Variants in RBPJ observed in about 807,000 individuals in gnomAD.
The protein encoded by RBPJ is recombining binding protein suppressor of hairless.
RBPJ carries 9 observed loss-of-function variants against 67.8 expected under a neutral mutation model. The ratio of observed to expected loss-of-function variants is 0.13; its 90% confidence interval spans 0.08 to 0.23. The LOEUF (loss-of-function observed/expected upper bound fraction) is 0.23. RBPJ is among the 10% of genes least tolerant of loss of function. RBPJ has a pLI of 1.00. For missense variants in RBPJ, 305 were observed against 595.6 expected, an observed-to-expected ratio of 0.51 and a Z score of 5.08; for synonymous variants, 198 against 203.3, an observed-to-expected ratio of 0.97 and a Z score of 0.22.
At chr4:26,191,668 G>A (rs781302994) in intron 1 of RBPJ, among the ~76,000 whole-genome samples, 43 of 152,128 alleles carry the variant, frequency 2.8e-4, no homozygotes, top group Non-Finnish European at 4.9e-4. Flanking sequence ...CAGCAATGAC[G>A]GGAGACTACA....
In RBPJ at chr4:26,277,274, C is replaced by CAAAAAA. The variant is rs754017128; in HGVS notation, c.-166-85162_-166-85157dup. Among the ~76,000 whole-genome samples the CAAAAAA allele has an allele frequency of 2.4e-3, 270 of 113,428 alleles. 4 individuals carry two copies. The highest frequency in any genetic ancestry group is 9.9e-3 in the Middle Eastern group (2 of 202). 74.4% of individuals were successfully genotyped at this position (113,428 alleles called of 152,430 possible). ...GCGACAGAGCAAGACCCTGTTTGTT[C>CAAAAAA]AAAAAAAAAAAAAAAGTCAAAAGTC... On this transcript the variant is annotated intron_variant, in intron 1 of 4. Coordinates refer to the RBPJ transcript ENST00000512351.
the RBPJ span, among the ~76,000 whole-genome samples, chr4:26,152,115 C>A: frequency 6.6e-6 from 1 of 152,170 alleles, no homozygotes; most frequent in Non-Finnish European, 1.5e-5. Context: ...AAATAGCTGG[C>A]AAATTATACA....
intron 1 of RBPJ, among the ~76,000 whole-genome samples, chr4:26,197,878 T>C (rs141029769): frequency 8.6e-4 from 131 of 152,238 alleles, no homozygotes; most frequent in African/African-American, 2.7e-3. Context: ...TTAACATTTA[T>C]TTATTAAGTG....
At chr4:26,114,495 A>ATG in the RBPJ span, among the ~76,000 whole-genome samples, 11 of 135,508 alleles carry the variant, frequency 8.1e-5, no homozygotes, top group African/African-American at 3.2e-4. Flanking sequence ...ATATATATAT[A>ATG]TATGTATGTG....
chr4:26,429,484 A>G (rs1736002899), intron 8 of RBPJ, among the ~76,000 whole-genome samples: 1 of 152,186 alleles, frequency 6.6e-6, no homozygotes. Flanking sequence ...ATTCCCTCCC[A>G]TGGAACATGC....
chr4:26,187,570 A>G (rs902036698), intron 1 of RBPJ, among the ~76,000 whole-genome samples: 85 of 152,368 alleles, frequency 5.6e-4, no homozygotes, highest in African/African-American at 1.9e-3. Flanking sequence ...TAATTTTAAT[A>G]CATCTCAATT....
intron 3 of RBPJ, among the ~76,000 whole-genome samples, chr4:26,409,348 C>A (rs1054004784): frequency 1.3e-5 from 2 of 152,032 alleles, no homozygotes; most frequent in Non-Finnish European, 2.9e-5. Flanking sequence ...GGGCGGATCA[C>A]CTGAGGTCCG....
intron 1 of RBPJ, among the ~76,000 whole-genome samples, chr4:26,277,831 T>G (rs1721134246): frequency 6.6e-6 from 1 of 152,236 alleles, no homozygotes; most frequent in African/African-American, 2.4e-5. Flanking sequence ...ATTAGTGTTT[T>G]TAAATGTATT....
chr4:26,329,027 T>C (rs1432908814), intron 1 of RBPJ, among the ~76,000 whole-genome samples: 2 of 152,168 alleles, frequency 1.3e-5, no homozygotes, highest in Non-Finnish European at 2.9e-5. Flanking sequence ...GGAGTTTTGC[T>C]CTGTTGCCCA....
intron 1 of RBPJ, chr4:26,322,295 C>T (rs1428970023): frequency 2.0e-5 from 3 of 152,084 alleles, no homozygotes; most frequent in Admixed American, 6.6e-5. Flanking sequence ...ATTCATTTGG[C>T]GTGTGAGTAG....
At chr4:26,377,783 G>C (rs926814036) in intron 1 of RBPJ, among the ~76,000 whole-genome samples, 33 of 152,150 alleles carry the variant, frequency 2.2e-4, no homozygotes, top group South Asian at 6.2e-4. Context: ...TTGTATTCTA[G>C]AGTTGGTGCT....
At chr4:26,386,701 AT>A (rs1730954056) in intron 2 of RBPJ, among the ~76,000 whole-genome samples, 1 of 152,216 alleles carries the variant, frequency 6.6e-6, no homozygotes, top group Non-Finnish European at 1.5e-5. Context: ...GCCCATCACA[AT>A]TTGTTGATTG....
chr4:26,115,957 A>C, the RBPJ span, among the ~76,000 whole-genome samples: 1 of 151,328 alleles, frequency 6.6e-6, no homozygotes, highest in South Asian at 2.1e-4. Context: ...AAAAAAAAAA[A>C]CTCTACAATA....
intron 1 of RBPJ, among the ~76,000 whole-genome samples, chr4:26,349,863 T>A (rs772433465): frequency 6.6e-6 from 1 of 152,238 alleles, no homozygotes; most frequent in African/African-American, 2.4e-5. Flanking sequence ...CTGTTGCTAA[T>A]GTAAGATGGA....
intron 1 of RBPJ, among the ~76,000 whole-genome samples, chr4:26,344,880 A>G (rs1275187063): frequency 6.6e-6 from 1 of 152,212 alleles, no homozygotes; most frequent in Non-Finnish European, 1.5e-5. Flanking sequence ...CTTAAAGGCA[A>G]TGCTTAACAT....
chr4:26,385,238 C>G (rs903841395), intron 1 of RBPJ, among the ~76,000 whole-genome samples: 3 of 151,806 alleles, frequency 2.0e-5, no homozygotes, highest in South Asian at 4.2e-4. Context: ...CCAGGCTGGT[C>G]TCGAACTCCT....
chr4:26,195,556 C>A (rs139627601), intron 1 of RBPJ, among the ~76,000 whole-genome samples: 3 of 152,034 alleles, frequency 2.0e-5, no homozygotes, highest in African/African-American at 7.2e-5. Flanking sequence ...AGGTCTATAT[C>A]GAACTTCGAA....
chr4:26,144,655 A>T, the RBPJ span, among the ~76,000 whole-genome samples: 1 of 152,202 alleles, frequency 6.6e-6, no homozygotes, highest in Non-Finnish European at 1.5e-5. Flanking sequence ...AAAGAGAGTA[A>T]GTTCATTCCT....
intron 1 of RBPJ, among the ~76,000 whole-genome samples, chr4:26,253,647 A>G (rs1339098636): frequency 7.1e-6 from 1 of 140,358 alleles, no homozygotes; most frequent in Non-Finnish European, 1.5e-5. Flanking sequence ...ATTTTTAGAG[A>G]GTATATTTTG....
Sources: allele counts gnomAD v4.1 joint callset (sites outside exome capture counted in the v4.1 genomes callset), GRCh38; gene constraint gnomAD v4.1.1; transcripts MANE v1.5; gene names NCBI Gene and HGNC (gene_info 2026-07-23, HGNC 2026-07-21).